TBC1D12: variants seen among roughly 807,000 people sequenced by gnomAD.
TBC1D12 encodes TBC1 domain family member 12.
A neutral mutation model predicts 86.7 loss-of-function variants in TBC1D12; 56 were observed. The ratio of observed to expected loss-of-function variants is 0.65; its 90% CI spans 0.52 to 0.81. The LOEUF (loss-of-function observed/expected upper bound fraction) is 0.81, where lower values mean the gene tolerates loss of function less well. TBC1D12 is among the 30% of genes least tolerant of loss of function. The pLI is 0.00. For missense variants in TBC1D12, 1,023 were observed against 1,038.8 expected (o/e 0.98, Z 0.21); for synonymous variants, 421 against 411.7 (o/e 1.02, Z -0.27).
Position 94,447,779 on chromosome 10 carries a change from T to G in TBC1D12, c.1095+5760T>G, listed in dbSNP as rs542328829. The G allele has an allele frequency of 1.6e-3, 885 of 560,904 alleles. 5 individuals are homozygous for G. The African/African-American group carries it at 0.017, about 11-fold the overall frequency. The allele number at this position is 560,904 out of a possible 1,614,324, so 34.7% of individuals were successfully genotyped here. A position where few individuals can be genotyped will look rare whatever the true frequency, so the allele number is the denominator to read the frequency against. On this transcript the variant is annotated intron_variant, in intron 2 of 12. Coordinates refer to ENST00000225235, the MANE Select transcript of TBC1D12 (RefSeq NM_015188.2). ...TTTTTTTCTAAATTAGTAGGTAAAG[T>G]TGGAATAGCTACATGGTTTGTCTTA...
chr10:94,418,052 C>T (rs966140800), intron 1 of TBC1D12, among the ~76,000 whole-genome samples: 1 of 152,170 alleles, frequency 6.6e-6, no homozygotes, highest in Non-Finnish European at 1.5e-5. Context: ...CCGCGCCCGG[C>T]CCATGTATGT....
Position 94,510,167 on chromosome 10 carries a change from C to T in TBC1D12, c.1677C>T (p.Tyr559=), listed in dbSNP as rs1215670930. ...TATCCCGTACATTTCCATCTCTCTA[C>T]ATCTTTCAGAAGGTGAGGGTTTCTA... ...LDISRTFPSL[Y]IFQKGGPYHD... The change falls in exon 8 of 13, where the codon TAC becomes TAT. Residue 559 remains tyrosine, a synonymous_variant. Coordinates refer to ENST00000225235, the MANE Select transcript of TBC1D12 (RefSeq NM_015188.2). 3 of 1,593,876 alleles carry T rather than the reference C, an allele frequency of 1.9e-6. No individual in the cohort carries two copies. In the South Asian group the frequency reaches 3.5e-5, roughly 19 times the overall value.
At chr10:94,507,380 G>C in intron 7 of TBC1D12, 33 bp downstream of exon 7, 1 of 1,553,726 alleles carries the variant, frequency 6.4e-7, no homozygotes, top group Non-Finnish European at 8.7e-7. Flanking sequence ...AGAATTTTAG[G>C]ATGAAAATTC....
chr10:94,479,359 T>C (rs1341956218), intron 3 of TBC1D12, among the ~76,000 whole-genome samples: 3 of 152,194 alleles, frequency 2.0e-5, no homozygotes, highest in African/African-American at 7.2e-5. Context: ...TTTTTAAGTA[T>C]TAACATAATG....
At chr10:94,460,909 T>A (rs2055718320) in intron 2 of TBC1D12, among the ~76,000 whole-genome samples, 1 of 152,224 alleles carries the variant, frequency 6.6e-6, no homozygotes, top group African/African-American at 2.4e-5. Context: ...GTTCCAGTTT[T>A]TTTAATCTTT....
chr10:94,463,187 A>C (rs1203769069), intron 2 of TBC1D12, among the ~76,000 whole-genome samples: 1 of 152,120 alleles, frequency 6.6e-6, no homozygotes, highest in African/African-American at 2.4e-5. Flanking sequence ...GATTTTACGG[A>C]TATGTTTTCA....
At chr10:94,434,964 TGG>T in intron 1 of TBC1D12, among the ~76,000 whole-genome samples, 1 of 152,324 alleles carries the variant, frequency 6.6e-6, no homozygotes, top group Non-Finnish European at 1.5e-5. Context: ...AGATGAATTT[TGG>T]GGAACACATT....
chr10:94,490,364 G>A (rs2056229953), intron 3 of TBC1D12, among the ~76,000 whole-genome samples: 1 of 152,054 alleles, frequency 6.6e-6, no homozygotes, highest in East Asian at 1.9e-4. Context: ...TTGACATTAG[G>A]GTTGCTACAA....
intron 1 of TBC1D12, among the ~76,000 whole-genome samples, chr10:94,425,829 G>A (rs1564940616): frequency 6.6e-6 from 1 of 151,818 alleles, no homozygotes; most frequent in Non-Finnish European, 1.5e-5. Context: ...CATTTATTTG[G>A]GTCATTTTTT....
chr10:94,514,945 TCG>T (rs2056571514), intron 9 of TBC1D12, among the ~76,000 whole-genome samples: 1 of 146,332 alleles, frequency 6.8e-6, no homozygotes, highest in African/African-American at 2.5e-5. Flanking sequence ...TCTCACTCTG[TCG>T]CCCAGGCTGG....
chr10:94,467,583 A>T (rs1589637620), intron 2 of TBC1D12, among the ~76,000 whole-genome samples: 2 of 152,146 alleles, frequency 1.3e-5, no homozygotes, highest in East Asian at 3.8e-4. Flanking sequence ...CTCATATATA[A>T]ATATTTAATA....
chr10:94,427,450 A>G (rs1054690202), intron 1 of TBC1D12, among the ~76,000 whole-genome samples: 5 of 152,246 alleles, frequency 3.3e-5, no homozygotes, highest in Non-Finnish European at 5.9e-5. Context: ...TGTAATAAGT[A>G]TGCAGCTCAA....
intron 2 of TBC1D12, among the ~76,000 whole-genome samples, chr10:94,464,014 T>C (rs926589737): frequency 6.6e-6 from 1 of 152,172 alleles, no homozygotes; most frequent in Non-Finnish European, 1.5e-5. Flanking sequence ...ATATGTCCTT[T>C]TTGCTTTGGT....
At chr10:94,461,175 G>C (rs541875844) in intron 2 of TBC1D12, among the ~76,000 whole-genome samples, 1 of 152,250 alleles carries the variant, frequency 6.6e-6, no homozygotes, top group South Asian at 2.1e-4. Context: ...AAAAGGAACT[G>C]GTAAATAGGA....
At chr10:94,496,487 A>T (rs1222531478) in intron 4 of TBC1D12, among the ~76,000 whole-genome samples, 1 of 152,180 alleles carries the variant, frequency 6.6e-6, no homozygotes, top group Non-Finnish European at 1.5e-5. Context: ...TTGGAATGTC[A>T]TGTGAGTTAT....
rs1007584184 is a variant in TBC1D12 at position 94,533,312 on chromosome 10, T to G, written c.*216T>G. 2 of 333,218 alleles carry G rather than the reference T, an allele frequency of 6.0e-6. No individual in the cohort carries two copies. The highest frequency in any genetic ancestry group is 1.1e-5 in the Non-Finnish European group (2 of 186,384). The allele number at this position is 333,218 out of a possible 1,614,324, so 20.6% of individuals were successfully genotyped here. A position where few individuals can be genotyped will look rare whatever the true frequency, so the allele number is the denominator to read the frequency against. On this transcript the variant is annotated 3_prime_UTR_variant, in exon 13 of 13. Coordinates refer to ENST00000225235, the MANE Select transcript of TBC1D12 (RefSeq NM_015188.2). ...TATTATTTTGTAGGTAGAGTCATTT[T>G]TCAAAGGAAAAAGTTTAAGTGGTGA...
At position 94,522,135 on chromosome 10, in the gene TBC1D12, G is replaced by C. The variant is rs761441203; in HGVS notation, c.1890+52G>C. ...TTTCTGTAGTTTGAATGCCCTCTTA[G>C]AGTGAAAAACAATAATTAGAAGGCC... On this transcript the variant is annotated intron_variant, in intron 10 of 12. Transcript: ENST00000225235. The C allele has an allele frequency of 1.1e-5, 17 of 1,568,350 alleles. No individual in the cohort carries two copies. In the East Asian group the frequency reaches 3.8e-4, roughly 35 times the overall value.
intron 12 of TBC1D12, 97 bp downstream of exon 12, chr10:94,531,557 T>G (rs1334849644): frequency 9.3e-6 from 12 of 1,285,082 alleles, no homozygotes; most frequent in Non-Finnish European, 1.2e-5. Flanking sequence ...CTTAAAAATA[T>G]GTCTTTTAAA....
At chr10:94,493,526 T>A in intron 4 of TBC1D12, 79 bp downstream of exon 4, 3 of 1,040,496 alleles carry the variant, frequency 2.9e-6, no homozygotes, top group South Asian at 2.8e-5. Flanking sequence ...AAGTCTGTCT[T>A]CAAGATGATA....
Sources: gnomAD v4.1 joint callset for allele counts (sites outside exome capture counted in the v4.1 genomes callset) on GRCh38, gnomAD v4.1.1 for gene constraint, MANE v1.5 for transcripts, NCBI Gene and HGNC (gene_info 2026-07-23, HGNC 2026-07-21) for gene names.